The following SLC6A5 variants were observed in gnomAD, a reference collection of about 807,000 sequenced individuals.
SLC6A5 encodes the protein sodium- and chloride-dependent glycine transporter 2.
In SLC6A5, 58 loss-of-function variants were observed where a neutral mutation model predicts 90.5. The ratio of observed to expected loss-of-function variants is 0.64; its 90% CI spans 0.52 to 0.80. SLC6A5 has a LOEUF of 0.80. SLC6A5 is among the 30% of genes least tolerant of loss of function. SLC6A5 has a pLI of 0.00. For synonymous variants in SLC6A5, 427 were observed against 401.4 expected, an observed-to-expected ratio of 1.06 and a Z score of -0.76; for missense variants, 1,015 against 1,017.6, an observed-to-expected ratio of 1.00 and a Z score of 0.03.
chr11:20,601,443 GC>G lies in SLC6A5; in HGVS notation c.323del (p.Pro108LeufsTer27), dbSNP rs281864923. On this transcript the variant is annotated frameshift_variant, in exon 2 of 16. Transcript: ENST00000525748. LOFTEE classifies it high-confidence loss of function. ...GAGAGGCGCAAGGCGCGCAGGCCTCGCCCCCTCCCGGGAGCTCCGGGCCCGG... is the reference window on the plus strand; with the variant it reads ...GAGAGGCGCAAGGCGCGCAGGCCTCGCCCCTCCCGGGAGCTCCGGGCCCGG... ...LREAQGAQAS[P>X]PPGSSGPGNA... 18 of 1,607,440 alleles carry G rather than the reference GC, an allele frequency of 1.1e-5. No homozygotes were observed. Among genetic ancestry groups the G allele is most frequent in the Admixed American group, 1.7e-5 (1 of 58,956 alleles).
rs370475042 is a variant in SLC6A5, at chr11:20,654,899, C to A, written c.*31C>A. The stretch of plus-strand genomic sequence containing the variant: ...TGGTGTGGGATGGTCCAGACTTGAT[C>A]CTGTTTTTCCTCTCTGCCTCCTCCT... On this transcript the variant is annotated 3_prime_UTR_variant, in exon 16 of 16. Coordinates refer to ENST00000525748, the MANE Select transcript of SLC6A5 (RefSeq NM_004211.5). The A allele has an allele frequency of 6.2e-7, 1 of 1,608,866 alleles. No homozygotes were observed. The highest frequency in any genetic ancestry group is 8.5e-7 in the Non-Finnish European group (1 of 1,175,314).
At position 20,607,478 on chromosome 11, in the gene SLC6A5, G is replaced by C; in HGVS notation, c.812-1G>C. 2 of 1,614,136 alleles carry C rather than the reference G, an allele frequency of 1.2e-6. No homozygotes were observed. Among genetic ancestry groups the C allele is most frequent in the Non-Finnish European group, 1.7e-6 (2 of 1,180,006 alleles). On this transcript the variant is annotated splice_acceptor_variant, in intron 4 of 15. Transcript: ENST00000525748. LOFTEE classifies it high-confidence loss of function. ...AACCCCTGGAATTTTTGCTTCTGCA[G>C]GCTGTGGCATCGCGATGCTGATCAT... is the stretch of plus-strand genomic sequence containing the variant.
chr11:20,640,675 A>T (rs1449067435), intron 13 of SLC6A5, among the ~76,000 whole-genome samples: 1 of 144,736 alleles, frequency 6.9e-6, no homozygotes, highest in Non-Finnish European at 1.5e-5. Flanking sequence ...GAAGAAAAAT[A>T]AGCTAACATG....
intron 5 of SLC6A5, among the ~76,000 whole-genome samples, chr11:20,614,133 G>C (rs1174958965): frequency 6.6e-6 from 1 of 152,158 alleles, no homozygotes; most frequent in Non-Finnish European, 1.5e-5. Flanking sequence ...TGTGGTGCCA[G>C]GCAGTGGGTC....
At chr11:20,650,816 G>A (rs971017587) in intron 14 of SLC6A5, among the ~76,000 whole-genome samples, 2 of 151,870 alleles carry the variant, frequency 1.3e-5, no homozygotes, top group South Asian at 4.2e-4. Flanking sequence ...ACAGGCGCCC[G>A]CTACCACGCC....
chr11:20,612,894 A>C (rs1195915414), intron 5 of SLC6A5, among the ~76,000 whole-genome samples: 4 of 152,210 alleles, frequency 2.6e-5, no homozygotes, highest in Non-Finnish European at 5.9e-5. Context: ...GAGATATTTC[A>C]TGTAAGTTTA....
Position 20,617,803 on chromosome 11 carries a change from G to A in SLC6A5, c.1179G>A (p.Arg393=). The stretch of plus-strand genomic sequence containing the variant: ...GGATTGAATATCCTGGCGAGATCAG[G>A]TGGCCACTAGCTCTCTGCCTCTTCC... The part of the protein sequence containing the change: ...SAGIEYPGEI[R]WPLALCLFLA... Residue 393 remains arginine (R), a synonymous_variant, in exon 7 of 16, where the codon AGG becomes AGA. Coordinates refer to ENST00000525748, the MANE Select transcript of SLC6A5 (RefSeq NM_004211.5). 2 of 1,614,178 alleles carry A rather than the reference G, an allele frequency of 1.2e-6. No individual in the cohort carries two copies. Among genetic ancestry groups the A allele is most frequent in the African/African-American group, 1.3e-5 (1 of 75,052 alleles).
At chr11:20,647,722 T>C (rs1461062463) in intron 14 of SLC6A5, among the ~76,000 whole-genome samples, 1 of 152,160 alleles carries the variant, frequency 6.6e-6, no homozygotes, top group Non-Finnish European at 1.5e-5. Context: ...AGCCCAGAGT[T>C]GATGTGACTT....
chr11:20,644,643 T>C (rs1853375156), intron 13 of SLC6A5, among the ~76,000 whole-genome samples: 1 of 152,190 alleles, frequency 6.6e-6, no homozygotes, highest in Admixed American at 6.5e-5. Flanking sequence ...ATCCATAATG[T>C]TTTCCATAGT....
At chr11:20,601,098 G>C (rs1852461959) in intron 1 of SLC6A5, 31 bp from the exon 2 acceptor site, 2 of 1,571,266 alleles carry the variant, frequency 1.3e-6, no homozygotes, top group Middle Eastern at 1.7e-4. Context: ...TTGTGACTTT[G>C]TTTTGCACGA....
intron 14 of SLC6A5, among the ~76,000 whole-genome samples, chr11:20,647,378 C>A: frequency 1.1e-5 from 1 of 89,202 alleles, no homozygotes; most frequent in South Asian, 4.3e-4. Context: ...CTATATATTC[C>A]TATTATATAG....
At chr11:20,648,663 C>T (rs1367177835) in intron 14 of SLC6A5, among the ~76,000 whole-genome samples, 4 of 152,140 alleles carry the variant, frequency 2.6e-5, no homozygotes, top group Non-Finnish European at 4.4e-5. Flanking sequence ...TGCCCTCTTC[C>T]CCGGATCCTA....
At chr11:20,600,393 GA>G (rs1482198890) in intron 1 of SLC6A5, among the ~76,000 whole-genome samples, 6 of 144,624 alleles carry the variant, frequency 4.1e-5, no homozygotes, top group Non-Finnish European at 7.6e-5. Flanking sequence ...AGAAGAAGAA[GA>G]AGAAGAAGAA....
At chr11:20,637,944 A>AT (rs753502213) in intron 12 of SLC6A5, among the ~76,000 whole-genome samples, 1 of 152,070 alleles carries the variant, frequency 6.6e-6, no homozygotes, top group African/African-American at 2.4e-5. Context: ...CAGGGCTTTA[A>AT]TTTCTTCTTC....
intron 5 of SLC6A5, among the ~76,000 whole-genome samples, chr11:20,609,561 AAGCCTTCCTTAAG>A (rs1457975426): frequency 1.3e-5 from 2 of 152,212 alleles, no homozygotes; most frequent in Non-Finnish European, 2.9e-5. Context: ...CATATTGAGC[AAGCCTTCCTTAAG>A]AGATGGATAA....
At chr11:20,606,387 C>CCAA (rs761833992) in intron 3 of SLC6A5, among the ~76,000 whole-genome samples, 2 of 152,148 alleles carry the variant, frequency 1.3e-5, no homozygotes, top group Non-Finnish European at 2.9e-5. Flanking sequence ...GAGGAGGAAG[C>CCAA]ATTTGAGTTG....
chr11:20,604,508 C>A, intron 3 of SLC6A5, 84 bp downstream of exon 3: 1 of 1,542,808 alleles, frequency 6.5e-7, no homozygotes, highest in Non-Finnish European at 8.8e-7. Flanking sequence ...TCAGGCAGGG[C>A]CGCCGGGCGG....
intron 7 of SLC6A5, among the ~76,000 whole-genome samples, chr11:20,621,665 C>T (rs985278809): frequency 2.6e-5 from 4 of 152,198 alleles, no homozygotes; most frequent in Non-Finnish European, 4.4e-5. Flanking sequence ...AAGGTGGATG[C>T]GCAGCTGAAG....
At chr11:20,628,256 GC>G (rs1418092657) in intron 9 of SLC6A5, among the ~76,000 whole-genome samples, 173 bp downstream of exon 9, 2 of 152,178 alleles carry the variant, frequency 1.3e-5, no homozygotes, top group Admixed American at 6.5e-5. Context: ...TCTTCTGAAG[GC>G]CTGGACCCTC....
Sources: allele counts gnomAD v4.1 joint callset (sites outside exome capture counted in the v4.1 genomes callset), GRCh38; gene constraint gnomAD v4.1.1; transcripts MANE v1.5; gene names NCBI Gene and HGNC (gene_info 2026-07-23, HGNC 2026-07-21).